EFNA5: variants seen among roughly 807,000 people sequenced by gnomAD.
EFNA5 encodes the protein ephrin A5, also known as ephrin-A5.
Under a neutral mutation model 22.9 loss-of-function variants are expected in EFNA5, and 5 were observed. That is an observed-to-expected ratio of 0.22 (90% CI 0.11 to 0.46). EFNA5 has a LOEUF of 0.46. EFNA5 is among the 20% of genes least tolerant of loss of function. EFNA5 has a pLI of 0.99. For synonymous variants in EFNA5, 113 were observed against 112.2 expected, an observed-to-expected ratio of 1.01 and a Z score of -0.04; for missense variants, 237 against 293.3, an observed-to-expected ratio of 0.81 and a Z score of 1.40.
chr5:107,586,100 G>C (rs528686428), intron 1 of EFNA5, among the ~76,000 whole-genome samples: 1 of 151,860 alleles, frequency 6.6e-6, no homozygotes, highest in Non-Finnish European at 1.5e-5. Context: ...ATTGTTTATC[G>C]TGTTTTCCTT....
At chr5:107,641,759 G>C (rs2112544850) in intron 1 of EFNA5, among the ~76,000 whole-genome samples, 1 of 152,244 alleles carries the variant, frequency 6.6e-6, no homozygotes, top group African/African-American at 2.4e-5. Flanking sequence ...TACAGCATCT[G>C]TTCATTGCAT....
intron 1 of EFNA5, among the ~76,000 whole-genome samples, chr5:107,549,808 G>T (rs1407303516): frequency 6.6e-6 from 1 of 152,216 alleles, no homozygotes; most frequent in Non-Finnish European, 1.5e-5. Flanking sequence ...TCTGGCTCTG[G>T]CCATGAGGAA....
At chr5:107,463,363 A>T (rs116428866) in intron 1 of EFNA5, among the ~76,000 whole-genome samples, 1,896 of 152,214 alleles carry the variant, frequency 0.012, 45 homozygotes, top group African/African-American at 0.044. Flanking sequence ...CACTTTCATC[A>T]GTGTACTTTA....
chr5:107,476,057 T>TGTATACATATATATATA, intron 1 of EFNA5, among the ~76,000 whole-genome samples: 1 of 100,436 alleles, frequency 1.0e-5, no homozygotes, highest in African/African-American at 5.0e-5. Flanking sequence ...TATATATATA[T>TGTATACATATATATATA]TTTTTTTTTT....
intron 2 of EFNA5, 122 bp downstream of exon 2, chr5:107,427,095 C>T (rs1204869344): frequency 9.7e-7 from 1 of 1,028,918 alleles, no homozygotes; most frequent in South Asian, 1.4e-5. Flanking sequence ...CTGATGTACG[C>T]ATTTACAAGG....
intron 1 of EFNA5, among the ~76,000 whole-genome samples, chr5:107,569,539 ATATG>A (rs1229112243): frequency 1.6e-5 from 2 of 128,212 alleles, no homozygotes; most frequent in African/African-American, 2.9e-5. Flanking sequence ...ATTTATATAT[ATATG>A]TGTGTATATA....
chr5:107,455,082 G>GT (rs1749661594), intron 1 of EFNA5, among the ~76,000 whole-genome samples: 1 of 152,290 alleles, frequency 6.6e-6, no homozygotes, highest in South Asian at 2.1e-4. Flanking sequence ...GCCTCCAAAT[G>GT]TAACTGTCAG....
At chr5:107,649,488 TG>T (rs1750687499) in intron 1 of EFNA5, among the ~76,000 whole-genome samples, 1 of 152,118 alleles carries the variant, frequency 6.6e-6, no homozygotes, top group Non-Finnish European at 1.5e-5. Context: ...ATAATAAAAA[TG>T]AATAATATGT....
At chr5:107,472,295 C>A (rs1165739797) in intron 1 of EFNA5, among the ~76,000 whole-genome samples, 1 of 152,180 alleles carries the variant, frequency 6.6e-6, no homozygotes, top group South Asian at 2.1e-4. Flanking sequence ...GTTACGATGG[C>A]GTCATCAAAT....
intron 1 of EFNA5, among the ~76,000 whole-genome samples, chr5:107,669,502 C>G (rs1055606954): frequency 6.6e-6 from 1 of 152,034 alleles, no homozygotes; most frequent in Non-Finnish European, 1.5e-5. Context: ...TGCTCCAGAC[C>G]CGGAGGACCC....
chr5:107,607,993 A>G (rs1014565473), intron 1 of EFNA5, among the ~76,000 whole-genome samples: 2 of 152,074 alleles, frequency 1.3e-5, no homozygotes, highest in Non-Finnish European at 2.9e-5. Flanking sequence ...TCTGCTTGCA[A>G]ATTTCATGGA....
At chr5:107,520,538 G>A (rs1274110353) in intron 1 of EFNA5, among the ~76,000 whole-genome samples, 1 of 152,184 alleles carries the variant, frequency 6.6e-6, no homozygotes, top group African/African-American at 2.4e-5. Flanking sequence ...TCTGTGTCTA[G>A]GTGAGTCCAA....
chr5:107,617,011 A>G (rs1749930944), intron 1 of EFNA5, among the ~76,000 whole-genome samples: 1 of 151,670 alleles, frequency 6.6e-6, no homozygotes, highest in Admixed American at 6.6e-5. Context: ...TGTGGAGGAA[A>G]CTCTGACCCA....
chr5:107,468,427 G>A (rs1345924987), intron 1 of EFNA5, among the ~76,000 whole-genome samples: 1 of 152,162 alleles, frequency 6.6e-6, no homozygotes, highest in Admixed American at 6.5e-5. Context: ...AAAATGAATG[G>A]TGCAGTTCCT....
intron 1 of EFNA5, among the ~76,000 whole-genome samples, chr5:107,497,013 A>T (rs1272410155): frequency 3.3e-5 from 5 of 152,210 alleles, no homozygotes; most frequent in Non-Finnish European, 7.3e-5. Flanking sequence ...CCTGACAAGC[A>T]TTCTCATTGT....
intron 1 of EFNA5, among the ~76,000 whole-genome samples, chr5:107,447,756 T>C (rs1039096461): frequency 4.6e-5 from 7 of 152,152 alleles, no homozygotes; most frequent in African/African-American, 1.7e-4. Context: ...AAGGACAGTG[T>C]TGACAGCAAA....
intron 2 of EFNA5, among the ~76,000 whole-genome samples, chr5:107,404,190 G>A (rs1748154471): frequency 6.6e-6 from 1 of 152,202 alleles, no homozygotes; most frequent in Non-Finnish European, 1.5e-5. Flanking sequence ...TATCACAAGT[G>A]ATGGCGAGTT....
intron 2 of EFNA5, among the ~76,000 whole-genome samples, chr5:107,398,854 CAAAAA>C (rs1214380627): frequency 1.5e-5 from 1 of 65,004 alleles, no homozygotes. Context: ...GACACTGCCT[CAAAAA>C]AAAAAAAAAA....
In EFNA5 at chr5:107,534,863, A is replaced by G. The variant is rs536713944; in HGVS notation, c.126-107354T>C. On this transcript the variant is annotated intron_variant, in intron 1 of 4. Transcript: ENST00000333274. Reference sequence around the variant, plus strand: ...CAAAATTGATACAAAGGAAAATAGTATATCTTCAAAGGGAGCCTGATTCTA... The same window carrying G: ...CAAAATTGATACAAAGGAAAATAGTGTATCTTCAAAGGGAGCCTGATTCTA... Among the ~76,000 whole-genome samples, 4 of 152,358 alleles carry G rather than the reference A, an allele frequency of 2.6e-5. No individual in the cohort carries two copies. In the South Asian group the frequency reaches 6.2e-4, roughly 24 times the overall value.
Sources: gnomAD v4.1 joint callset for allele counts (sites outside exome capture counted in the v4.1 genomes callset) on GRCh38, gnomAD v4.1.1 for gene constraint, MANE v1.5 for transcripts, NCBI Gene and HGNC (gene_info 2026-07-23, HGNC 2026-07-21) for gene names.